WDFY3: variants seen among roughly 807,000 people sequenced by gnomAD.
WDFY3 encodes WD repeat and FYVE domain containing 3, also known as WD repeat and FYVE domain-containing protein 3.
WDFY3 carries 66 observed loss-of-function variants against 409.6 expected under a neutral mutation model. The ratio of observed to expected loss-of-function variants is 0.16; its 90% CI spans 0.13 to 0.20. The LOEUF is 0.20. Ranked by LOEUF, WDFY3 falls within the 10% of genes least tolerant of loss-of-function variation. The probability of loss-of-function intolerance (pLI) is 1.00; values close to 1 mark genes in which losing one functional copy is unlikely to be tolerated. For synonymous variants in WDFY3, 1,521 were observed against 1,537.1 expected, an observed-to-expected ratio of 0.99 and a Z score of 0.25; for missense variants, 3,031 against 4,298.1, an observed-to-expected ratio of 0.71 and a Z score of 8.24.
At chr4:84,699,350 T>C (rs1730699777) in intron 56 of WDFY3, among the ~76,000 whole-genome samples, 1 of 152,210 alleles carries the variant, frequency 6.6e-6, no homozygotes, top group Non-Finnish European at 1.5e-5. Flanking sequence ...CTTTGCGTAA[T>C]GTTTTTGAGG....
intron 4 of WDFY3, among the ~76,000 whole-genome samples, chr4:84,850,608 C>T (rs1193638793): frequency 2.0e-5 from 3 of 151,856 alleles, no homozygotes; most frequent in Non-Finnish European, 4.4e-5. Context: ...TGAGCCACCA[C>T]ATCCAGCCAA....
intron 29 of WDFY3, among the ~76,000 whole-genome samples, chr4:84,773,639 A>C (rs1408565638): frequency 6.6e-6 from 1 of 152,268 alleles, no homozygotes; most frequent in African/African-American, 2.4e-5. Flanking sequence ...ATTGCTTTAA[A>C]TATACATTCT....
chr4:84,785,771 C>T (rs1236578584), intron 24 of WDFY3, among the ~76,000 whole-genome samples: 2 of 152,108 alleles, frequency 1.3e-5, no homozygotes, highest in African/African-American at 4.8e-5. Context: ...ATTATGTACT[C>T]ATAACAGAAA....
At chr4:84,780,008 A>G in intron 26 of WDFY3, 100 bp downstream of exon 26, 1 of 1,298,026 alleles carries the variant, frequency 7.7e-7, no homozygotes, top group Non-Finnish European at 1.0e-6. Flanking sequence ...TCCTTGGACA[A>G]TATAATTCTT....
rs184898450 is a variant in WDFY3 at position 84,780,062 on chromosome 4, T to C, written c.4365+46A>G. On this transcript the variant is annotated intron_variant, in intron 26 of 67. Coordinates refer to ENST00000295888, the MANE Select transcript of WDFY3 (RefSeq NM_014991.6). ...TGAATGATAATAAAAAAGCAGAGTATTTTAGGTGCCAGGTGAAGTGAAGGC... is the reference window on the plus strand; with the variant it reads ...TGAATGATAATAAAAAAGCAGAGTACTTTAGGTGCCAGGTGAAGTGAAGGC... 5.3e-6 allele frequency: 8 copies of C among 1,499,710 alleles called. No homozygotes were observed. In the African/African-American group the frequency reaches 8.4e-5, roughly 16 times the overall value. The allele number at this position is 1,499,710 out of a possible 1,614,324, so 92.9% of individuals were successfully genotyped here.
intron 13 of WDFY3, among the ~76,000 whole-genome samples, chr4:84,813,396 CTAAG>C (rs1752806515): frequency 6.6e-6 from 1 of 152,214 alleles, no homozygotes; most frequent in South Asian, 2.1e-4. Context: ...AAATTTACAA[CTAAG>C]TATTTTACAG....
chr4:84,893,973 A>G (rs1765279034), intron 3 of WDFY3, among the ~76,000 whole-genome samples: 1 of 152,130 alleles, frequency 6.6e-6, no homozygotes, highest in Admixed American at 6.5e-5. Flanking sequence ...TGGGCGACAG[A>G]GCAAGACTCC....
intron 4 of WDFY3, among the ~76,000 whole-genome samples, chr4:84,850,946 T>A (rs1326803062): frequency 2.6e-5 from 2 of 77,226 alleles, no homozygotes; most frequent in South Asian, 8.0e-4. Flanking sequence ...TTTTTTTTTT[T>A]TTTTTTTTTT....
chr4:84,695,499 C>CAGAGAGAGACAGAGAGAG (rs1217791319), intron 58 of WDFY3, among the ~76,000 whole-genome samples: 3 of 73,070 alleles, frequency 4.1e-5, no homozygotes, highest in African/African-American at 1.3e-4. Context: ...CACACAGAGA[C>CAGAGAGAGACAGAGAGAG]AGAGAGAGAT....
At chr4:84,808,615 T>G (rs576873731) in intron 14 of WDFY3, among the ~76,000 whole-genome samples, 198 bp from the exon 15 acceptor site, 1 of 152,332 alleles carries the variant, frequency 6.6e-6, no homozygotes, top group Admixed American at 6.5e-5. Flanking sequence ...AGATGCTTAT[T>G]CCATTCATGT....
chr4:84,902,063 C>G (rs1459940880), intron 2 of WDFY3, among the ~76,000 whole-genome samples: 1 of 152,170 alleles, frequency 6.6e-6, no homozygotes, highest in Non-Finnish European at 1.5e-5. Flanking sequence ...TTCACACACT[C>G]AAGTTTTCTC....
chr4:84,807,238 G>A (rs187928335), intron 15 of WDFY3, among the ~76,000 whole-genome samples: 6 of 152,178 alleles, frequency 3.9e-5, no homozygotes, highest in Admixed American at 3.9e-4. Context: ...ATTAGGAACA[G>A]CTTTTTTAAA....
intron 3 of WDFY3, 66 bp from the exon 4 acceptor site, chr4:84,860,688 G>A: frequency 7.8e-7 from 1 of 1,281,428 alleles, no homozygotes; most frequent in Non-Finnish European, 1.0e-6. Context: ...AAGCATGCAT[G>A]TAAGAGCTTA....
intron 15 of WDFY3, among the ~76,000 whole-genome samples, chr4:84,805,252 A>C (rs1751323689): frequency 6.6e-6 from 1 of 152,184 alleles, no homozygotes; most frequent in South Asian, 2.1e-4. Flanking sequence ...AAAAAGTGGA[A>C]ATTAAAACAA....
At chr4:84,816,959 A>G (rs1359724431) in intron 13 of WDFY3, among the ~76,000 whole-genome samples, 4 of 152,166 alleles carry the variant, frequency 2.6e-5, no homozygotes, top group Non-Finnish European at 5.9e-5. Context: ...AAGCATATGT[A>G]TAACTCCTGG....
intron 18 of WDFY3, 135 bp downstream of exon 18, chr4:84,797,861 G>C: frequency 1.3e-6 from 1 of 758,936 alleles, no homozygotes; most frequent in Non-Finnish European, 2.0e-6. Context: ...GTGAGCCACC[G>C]CGCCGGGCCT....
chr4:84,719,888 A>G (rs560655110), intron 47 of WDFY3, among the ~76,000 whole-genome samples: 1 of 152,326 alleles, frequency 6.6e-6, no homozygotes, highest in East Asian at 1.9e-4. Context: ...TTGTCATTCA[A>G]TATTAATTAG....
chr4:84,925,872 T>C (rs939152737), intron 2 of WDFY3, among the ~76,000 whole-genome samples: 2 of 151,990 alleles, frequency 1.3e-5, no homozygotes, highest in Non-Finnish European at 2.9e-5. Context: ...TGTGGCAAAA[T>C]GTTGGTAATT....
intron 3 of WDFY3, among the ~76,000 whole-genome samples, chr4:84,862,331 A>G (rs1043000648): frequency 3.3e-5 from 5 of 152,250 alleles, no homozygotes; most frequent in African/African-American, 1.2e-4. Context: ...CAAGTGCCCA[A>G]CTGCTGGAAA....
Sources: allele counts gnomAD v4.1 joint callset (sites outside exome capture counted in the v4.1 genomes callset), GRCh38; gene constraint gnomAD v4.1.1; transcripts MANE v1.5; gene names NCBI Gene and HGNC (gene_info 2026-07-23, HGNC 2026-07-21).